Variants in FGD6 observed in about 807,000 individuals in gnomAD.
The protein encoded by FGD6 is FYVE, RhoGEF and PH domain containing 6.
Under a neutral mutation model 149.4 loss-of-function variants are expected in FGD6, and 90 were observed. That is an observed-to-expected ratio of 0.60 (90% CI 0.51 to 0.72). The LOEUF is 0.72. Ranked by LOEUF, FGD6 falls within the 30% of genes least tolerant of loss-of-function variation. The pLI is 0.00. For missense variants in FGD6, 1,437 were observed against 1,684.8 expected, an observed-to-expected ratio of 0.85 and a Z score of 2.57; for synonymous variants, 527 against 584.0, an observed-to-expected ratio of 0.90 and a Z score of 1.41.
chr12:95,172,730 T>C lies in FGD6; in HGVS notation c.2456A>G (p.Gln819Arg), dbSNP rs1881029474. Residue 819 changes from glutamine (Q) to arginine (R), a missense_variant, in exon 3 of 21, where the codon CAG becomes CGG. By Grantham distance (43) the Gln-to-Arg change is conservative. This residue lies in a region of FGD6 where 1,055 missense variants were observed against 1,146.0 expected (regional missense o/e 0.92). Coordinates refer to ENST00000343958, the MANE Select transcript of FGD6 (RefSeq NM_018351.4). The stretch of plus-strand genomic sequence containing the variant: ...AAGACCAAGATCATTCTGTTCCTCC[T>C]GGGATGCTCCTGAACTGCATTCAAC... Reference protein sequence around the residue: ...RHQHSSSGASQEEQNDLGLGD... With the variant: ...RHQHSSSGASREEQNDLGLGD... The C allele has an allele frequency of 6.2e-7, 1 of 1,610,316 alleles. No individual in the cohort carries two copies. The highest frequency in any genetic ancestry group is 8.5e-7 in the Non-Finnish European group (1 of 1,177,826).
chr12:95,131,892 T>G (rs1039051122), intron 8 of FGD6, among the ~76,000 whole-genome samples: 11 of 152,038 alleles, frequency 7.2e-5, no homozygotes, highest in African/African-American at 2.7e-4. Flanking sequence ...ATACAAAAAT[T>G]AGCCAGGTAT....
chr12:95,204,467 T>G (rs182838016), intron 2 of FGD6, among the ~76,000 whole-genome samples: 38 of 152,068 alleles, frequency 2.5e-4, no homozygotes, highest in African/African-American at 8.7e-4. Context: ...AGAAACTCAC[T>G]GCCTACTAAT....
At chr12:95,216,669 C>CA (rs143881424) in intron 1 of FGD6, among the ~76,000 whole-genome samples, 16,878 of 88,214 alleles carry the variant, frequency 0.19, 1,562 homozygotes, top group East Asian at 0.23. Flanking sequence ...TGCAGACAAG[C>CA]AAAAAAAAAA....
At chr12:95,109,201 G>A (rs1265551363) in intron 9 of FGD6, among the ~76,000 whole-genome samples, 1 of 152,144 alleles carries the variant, frequency 6.6e-6, no homozygotes, top group African/African-American at 2.4e-5. Context: ...CTTTAGCAAA[G>A]TGTTTTTCCA....
rs961608285 is a variant in FGD6, at chr12:95,100,831, G to T, written c.3497+4176C>A. On this transcript the variant is annotated intron_variant, in intron 14 of 20. Transcript: ENST00000343958. The stretch of plus-strand genomic sequence containing the variant: ...CATTGATGGTAAGGATCAGGACCTT[G>T]CCGTCTTGTTGGGCATGCTGGATCC... 3 of 398,332 alleles carry T rather than the reference G, an allele frequency of 7.5e-6. No individual in the cohort carries two copies. The Admixed American group carries it at 8.8e-5, about 12-fold the overall frequency. The allele number at this position is 398,332 out of a possible 1,614,324, so 24.7% of individuals were successfully genotyped here. A position where few individuals can be genotyped will look rare whatever the true frequency, so the allele number is the denominator to read the frequency against.
intron 2 of FGD6, among the ~76,000 whole-genome samples, chr12:95,207,733 C>G (rs929734534): frequency 1.3e-5 from 2 of 152,134 alleles, no homozygotes; most frequent in Non-Finnish European, 2.9e-5. Flanking sequence ...AAACCAAATA[C>G]AGAACATCAG....
At chr12:95,202,533 A>T (rs1248942348) in intron 2 of FGD6, among the ~76,000 whole-genome samples, 10 of 151,304 alleles carry the variant, frequency 6.6e-5, no homozygotes, top group Non-Finnish European at 1.5e-4. Flanking sequence ...CATAATACTT[A>T]TTCCTAATTC....
chr12:95,109,397 G>T (rs894685508), intron 9 of FGD6, among the ~76,000 whole-genome samples: 1 of 152,136 alleles, frequency 6.6e-6, no homozygotes, highest in East Asian at 1.9e-4. Context: ...GTGGGTAGGA[G>T]GCAGGGATGC....
At chr12:95,168,067 A>ATT (rs11418830) in intron 3 of FGD6, among the ~76,000 whole-genome samples, 51 of 151,830 alleles carry the variant, frequency 3.4e-4, no homozygotes, top group African/African-American at 4.6e-4. Context: ...TATTACACAC[A>ATT]TTTTTTTTAA....
intron 5 of FGD6, among the ~76,000 whole-genome samples, chr12:95,152,595 T>C (rs573878106): frequency 1.8e-4 from 28 of 152,278 alleles, no homozygotes; most frequent in Non-Finnish European, 2.9e-4. Flanking sequence ...GAAAATATAT[T>C]ATCACCTTCA....
At chr12:95,133,517 C>A (rs1879583386) in intron 8 of FGD6, among the ~76,000 whole-genome samples, 1 of 152,174 alleles carries the variant, frequency 6.6e-6, no homozygotes. Flanking sequence ...CACCTATTAT[C>A]TCCAATATAG....
chr12:95,089,743 C>T (rs1304652570), intron 17 of FGD6, 47 bp from the exon 18 acceptor site: 1 of 1,601,204 alleles, frequency 6.2e-7, no homozygotes, highest in South Asian at 1.1e-5. Context: ...CAGCATTTTG[C>T]AATTCAATTT....
chr12:95,209,992 A>G lies in FGD6; in HGVS notation c.1292T>C (p.Val431Ala). The G allele has an allele frequency of 6.2e-7, 1 of 1,613,306 alleles. No individual in the cohort carries two copies. Among genetic ancestry groups the G allele is most frequent in the East Asian group, 2.2e-5 (1 of 44,880 alleles). The change falls in exon 2 of 21, where the codon GTA (valine) becomes GCA (alanine). Residue 431 changes from valine to alanine, a missense_variant. Val to Ala is a moderately conservative substitution (Grantham distance 64). Coordinates refer to ENST00000343958, the MANE Select transcript of FGD6 (RefSeq NM_018351.4). Reference protein sequence around the residue: ...DSNLSSDSTTVDGSSMSLAVD... With the variant: ...DSNLSSDSTTADGSSMSLAVD... ...AGCAAGCGACATACTAGAACCATCT[A>G]CAGTTGTGCTGTCAGAACTCAAATT...
chr12:95,107,506 T>C (rs1284376565), intron 12 of FGD6, 57 bp downstream of exon 12: 2 of 1,573,516 alleles, frequency 1.3e-6, no homozygotes, highest in Non-Finnish European at 1.7e-6. Context: ...AAACGTCTCC[T>C]TTCCTTAAGC....
intron 14 of FGD6, among the ~76,000 whole-genome samples, chr12:95,098,867 AT>A (rs63204961): frequency 0.026 from 3,252 of 126,684 alleles, 66 homozygotes; most frequent in African/African-American, 0.089. Context: ...GGCCCTTTTA[AT>A]TTTTTTTTTT....
At chr12:95,217,179 C>T in intron 1 of FGD6, 46 bp downstream of exon 1, 1 of 1,611,216 alleles carries the variant, frequency 6.2e-7, no homozygotes. Context: ...AGCCTAGCAG[C>T]GCTCGCCACA....
intron 9 of FGD6, among the ~76,000 whole-genome samples, chr12:95,109,728 TG>T (rs1878753206): frequency 6.6e-6 from 1 of 152,076 alleles, no homozygotes; most frequent in Non-Finnish European, 1.5e-5. Context: ...CTGGGTGTCG[TG>T]GCTCATGTCT....
At chr12:95,194,610 A>C (rs1478994477) in intron 2 of FGD6, among the ~76,000 whole-genome samples, 1 of 99,192 alleles carries the variant, frequency 1.0e-5, no homozygotes, top group Non-Finnish European at 2.1e-5. Flanking sequence ...AAGAGGTGGG[A>C]GGGGGGTGGG....
chr12:95,168,293 A>C (rs111414452), intron 3 of FGD6, among the ~76,000 whole-genome samples: 17 of 152,350 alleles, frequency 1.1e-4, no homozygotes, highest in African/African-American at 3.8e-4. Context: ...CCAAGCCAGA[A>C]ACAATATATT....
Sources: gnomAD v4.1 joint callset for allele counts (sites outside exome capture counted in the v4.1 genomes callset) on GRCh38, gnomAD v4.1.1 for gene constraint, gnomAD v4.1.1 regional missense constraint, MANE v1.5 for transcripts, NCBI Gene and HGNC (gene_info 2026-07-23, HGNC 2026-07-21) for gene names.